The following MIR2052HG variants were observed in gnomAD, a reference collection of about 807,000 sequenced individuals.
MIR2052HG encodes MIR2052 host gene.
rs151176162 is a variant in MIR2052HG at position 74,708,581 on chromosome 8, C to T, written n.371+4899C>T. ...CTCTCTTGGACCCCCTCCTTTGTTA[C>T]TCTTCTCACTCGTTAAATGAAAGCA... On this transcript the variant is annotated intron_variant and non_coding_transcript_variant, in intron 4 of 6. Transcript: ENST00000523442. Among the ~76,000 whole-genome samples, 216 of 152,172 alleles carry T rather than the reference C, an allele frequency of 1.4e-3. 4 individuals carry two copies. The East Asian group carries it at 0.022, about 16-fold the overall frequency.
At chr8:74,674,788 TTACTA>T (rs1402561249) in intron 2 of MIR2052HG, among the ~76,000 whole-genome samples, 3 of 152,028 alleles carry the variant, frequency 2.0e-5, no homozygotes, top group Non-Finnish European at 4.4e-5. Flanking sequence ...AACCTGTTAA[TTACTA>T]TACATTACTA....
intron 2 of MIR2052HG, among the ~76,000 whole-genome samples, chr8:74,695,050 G>GA (rs1809281403): frequency 6.6e-6 from 1 of 151,882 alleles, no homozygotes; most frequent in African/African-American, 2.4e-5. Flanking sequence ...CAAGATGAAG[G>GA]AAAAAATCTG....
intron 2 of MIR2052HG, among the ~76,000 whole-genome samples, chr8:74,629,762 G>A (rs1323517953): frequency 6.6e-6 from 1 of 152,126 alleles, no homozygotes; most frequent in Non-Finnish European, 1.5e-5. Flanking sequence ...ACTGGGAGAT[G>A]AATAATAAAT....
intron 4 of MIR2052HG, among the ~76,000 whole-genome samples, chr8:74,710,056 T>A (rs1401706990): frequency 6.6e-6 from 1 of 152,214 alleles, no homozygotes; most frequent in Non-Finnish European, 1.5e-5. Context: ...TACCAAATCC[T>A]CTATGTTCAT....
chr8:74,753,789 A>G (rs1482162081), intron 5 of MIR2052HG, among the ~76,000 whole-genome samples: 1 of 152,134 alleles, frequency 6.6e-6, no homozygotes, highest in African/African-American at 2.4e-5. Flanking sequence ...ATCTCCTTGC[A>G]ATTTTCACCT....
intron 1 of MIR2052HG, among the ~76,000 whole-genome samples, chr8:74,602,484 A>G (rs570646736): frequency 1.4e-4 from 21 of 151,680 alleles, no homozygotes; most frequent in Middle Eastern, 3.5e-3. Context: ...TACTCTGCCT[A>G]TGGAGTGGCC....
intron 2 of MIR2052HG, among the ~76,000 whole-genome samples, chr8:74,674,109 G>C (rs1345981966): frequency 6.7e-6 from 1 of 148,942 alleles, no homozygotes; most frequent in Non-Finnish European, 1.5e-5. Context: ...AATGATACAT[G>C]GTGTAGACCG....
intron 2 of MIR2052HG, among the ~76,000 whole-genome samples, chr8:74,653,623 AACTC>A (rs1423383197): frequency 1.3e-5 from 2 of 152,210 alleles, no homozygotes; most frequent in Non-Finnish European, 2.9e-5. Context: ...AGCCAGGTTG[AACTC>A]AGAGTAGCTG....
At chr8:74,758,013 C>A (rs1300887003) in intron 5 of MIR2052HG, 1 of 152,104 alleles carries the variant, frequency 6.6e-6, no homozygotes, top group African/African-American at 2.4e-5. Context: ...ATTGATTCTT[C>A]TATAGTCAGG....
intron 4 of MIR2052HG, among the ~76,000 whole-genome samples, chr8:74,725,734 C>T (rs891045364): frequency 1.6e-4 from 25 of 152,104 alleles, no homozygotes; most frequent in African/African-American, 5.6e-4. Flanking sequence ...CTGCTGTCTC[C>T]GATAGCCCTA....
At chr8:74,753,668 T>C (rs1809971686) in intron 5 of MIR2052HG, among the ~76,000 whole-genome samples, 2 of 152,200 alleles carry the variant, frequency 1.3e-5, no homozygotes, top group South Asian at 4.1e-4. Context: ...TGAAAGCCAT[T>C]ATTGCAGGTG....
At chr8:74,738,085 T>C (rs1183762077) in intron 4 of MIR2052HG, among the ~76,000 whole-genome samples, 1 of 151,186 alleles carries the variant, frequency 6.6e-6, no homozygotes, top group Non-Finnish European at 1.5e-5. Flanking sequence ...GTATGATCTA[T>C]GTATGTATGT....
chr8:74,628,560 G>A (rs371509237), intron 2 of MIR2052HG, among the ~76,000 whole-genome samples: 1 of 152,208 alleles, frequency 6.6e-6, no homozygotes, highest in East Asian at 1.9e-4. Flanking sequence ...TTGGCAAACC[G>A]GAAAATTGGG....
intron 1 of MIR2052HG, among the ~76,000 whole-genome samples, chr8:74,604,604 T>TTTTTTTTTTTG (rs1808083260): frequency 7.3e-6 from 1 of 137,740 alleles, no homozygotes; most frequent in Non-Finnish European, 1.6e-5. Context: ...TTTTTTTTTT[T>TTTTTTTTTTTG]TTTTCTGAGA....
At chr8:74,602,873 C>CTTTCTTTCTTTCT (rs940052573) in intron 1 of MIR2052HG, among the ~76,000 whole-genome samples, 15 of 138,694 alleles carry the variant, frequency 1.1e-4, no homozygotes, top group African/African-American at 3.0e-4. Flanking sequence ...TTCTTTCTTT[C>CTTTCTTTCTTTCT]TTTTTTCTAT....
intron 2 of MIR2052HG, among the ~76,000 whole-genome samples, chr8:74,656,818 C>G (rs1808812175): frequency 6.6e-6 from 1 of 152,078 alleles, no homozygotes; most frequent in Non-Finnish European, 1.5e-5. Context: ...GATACATTTA[C>G]CCAAGTCAAG....
chr8:74,645,496 GCTGGT>G (rs754583327), intron 2 of MIR2052HG, among the ~76,000 whole-genome samples: 1 of 152,154 alleles, frequency 6.6e-6, no homozygotes, highest in Non-Finnish European at 1.5e-5. Context: ...TGTTGGTCAG[GCTGGT>G]CACGAACTCC....
chr8:74,752,281 C>CA (rs34347449), intron 4 of MIR2052HG, among the ~76,000 whole-genome samples: 3,956 of 79,220 alleles, frequency 0.05, 164 homozygotes, highest in African/African-American at 0.12. Flanking sequence ...GATCCTGTCT[C>CA]AAAAAAAAAA....
At chr8:74,691,453 C>G (rs1563532649) in intron 2 of MIR2052HG, among the ~76,000 whole-genome samples, 1 of 152,164 alleles carries the variant, frequency 6.6e-6, no homozygotes, top group Non-Finnish European at 1.5e-5. Flanking sequence ...GTCTTTATAT[C>G]TGTGCATCTG....
Sources: allele counts gnomAD v4.1 joint callset (sites outside exome capture counted in the v4.1 genomes callset), GRCh38; gene constraint gnomAD v4.1.1; transcripts MANE v1.5; gene names NCBI Gene and HGNC (gene_info 2026-07-23, HGNC 2026-07-21).